FRMPD3: variants seen among roughly 807,000 people sequenced by gnomAD.
The protein encoded by FRMPD3 is FERM and PDZ domain containing 3, also known as FERM and PDZ domain-containing protein 3.
Under a neutral mutation model 97.9 loss-of-function variants are expected in FRMPD3, and 42 were observed. The observed-to-expected ratio is 0.43, with a 90% CI of 0.34 to 0.55. FRMPD3 has a LOEUF of 0.55. Among genes scored for constraint, FRMPD3 ranks in the 20% least tolerant of loss-of-function variants. FRMPD3 has a pLI of 0.03. For missense variants in FRMPD3, 1,303 were observed against 1,457.7 expected, an observed-to-expected ratio of 0.89 and a Z score of 1.73; for synonymous variants, 577 against 581.1, an observed-to-expected ratio of 0.99 and a Z score of 0.10.
chrX:107,528,130 G>A (rs1164707890), intron 2 of FRMPD3, among the ~76,000 whole-genome samples: 2 of 111,111 alleles, frequency 1.8e-5, no homozygotes, highest in East Asian at 2.8e-4. Flanking sequence ...CCCCAGGCAC[G>A]AACCACAAAA....
chrX:107,568,310 T>C (rs1310940533), intron 12 of FRMPD3, among the ~76,000 whole-genome samples: 1 of 106,682 alleles, frequency 9.4e-6, no homozygotes, highest in Non-Finnish European at 1.9e-5. Flanking sequence ...TGTGCCATGT[T>C]GGTGTGCTGC....
intron 4 of FRMPD3, among the ~76,000 whole-genome samples, chrX:107,540,900 G>A (rs998022154): frequency 2.7e-5 from 3 of 112,451 alleles, no homozygotes; most frequent in South Asian, 3.7e-4. Context: ...TTATCATCAG[G>A]CACGTTTTAA....
Position 107,540,132 on chromosome X carries a change from G to A in FRMPD3, c.298-5605G>A, listed in dbSNP as rs181288168. Among the ~76,000 whole-genome samples the A allele has an allele frequency of 9.2e-4, 102 of 111,359 alleles. 2 individuals carry two copies. The highest frequency in any genetic ancestry group is 3.2e-3 in the African/African-American group (98 of 30,633). On this transcript the variant is annotated intron_variant, in intron 4 of 14. Coordinates refer to ENST00000683843, the MANE Select transcript of FRMPD3 (RefSeq NM_001388459.1). ...TAGAGAGTCAGGTGTAGTTTGTGGC[G>A]GGCTTTGGAAGTCAGGCAGAGGATA...
At chrX:107,462,033 C>G (rs1186025310) in intron 1 of FRMPD3, among the ~76,000 whole-genome samples, 11 of 110,341 alleles carry the variant, frequency 1.0e-4, no homozygotes, top group Non-Finnish European at 2.1e-4. Flanking sequence ...CCAACAAGCT[C>G]AAGTCCAGCC....
chrX:107,487,060 CAT>C (rs1416513873), intron 1 of FRMPD3, among the ~76,000 whole-genome samples: 1 of 94,657 alleles, frequency 1.1e-5, no homozygotes, highest in Non-Finnish European at 2.1e-5. Flanking sequence ...GCCTAGCCAA[CAT>C]AGTGAAACCC....
At chrX:107,531,091 T>A (rs189830877) in intron 3 of FRMPD3, among the ~76,000 whole-genome samples, 2 of 105,409 alleles carry the variant, frequency 1.9e-5, no homozygotes, top group East Asian at 5.9e-4. Context: ...TCTTTACCTA[T>A]CCTTTACCCC....
intron 1 of FRMPD3, among the ~76,000 whole-genome samples, chrX:107,497,634 A>G (rs1921806350): frequency 8.9e-6 from 1 of 112,324 alleles, no homozygotes; most frequent in South Asian, 3.7e-4. Flanking sequence ...TTGGATTCAA[A>G]AATGACAGTG....
intron 2 of FRMPD3, among the ~76,000 whole-genome samples, chrX:107,528,819 T>G (rs760514706): frequency 8.9e-6 from 1 of 112,872 alleles, no homozygotes; most frequent in South Asian, 3.6e-4. Context: ...CTGAAGCCAG[T>G]GCACTGTCAG....
In FRMPD3 at chrX:107,603,698, T is replaced by G. The variant is rs766792987; in HGVS notation, c.*325T>G. On this transcript the variant is annotated 3_prime_UTR_variant, in exon 15 of 15. Transcript: ENST00000683843. ...AGGTGACATCAGGCTCACTTCCTGC[T>G]CAATCCGTGTTGGGCGCTGGGGGAG... 394 of 198,606 alleles carry G rather than the reference T, an allele frequency of 2.0e-3. 2 individuals carry two copies. Among genetic ancestry groups the G allele is most frequent in the African/African-American group, 0.011 (366 of 34,285 alleles). 16.4% of individuals were successfully genotyped at this position (198,606 alleles called of 1,213,427 possible).
At chrX:107,564,829 C>T in intron 11 of FRMPD3, 58 bp from the exon 12 acceptor site, 2 of 1,141,600 alleles carry the variant, frequency 1.8e-6, no homozygotes, top group Non-Finnish European at 2.4e-6. Flanking sequence ...CCTGCCTCCT[C>T]TCCCCACCTC....
chrX:107,529,533 C>A (rs904173297), intron 2 of FRMPD3, among the ~76,000 whole-genome samples: 2 of 110,197 alleles, frequency 1.8e-5, no homozygotes, highest in Non-Finnish European at 3.8e-5. Context: ...TACAGTGAGC[C>A]GAGATCACGC....
chrX:107,450,591 CACACACACACAGAG>C (rs1387672305), intron 1 of FRMPD3, among the ~76,000 whole-genome samples: 3 of 107,205 alleles, frequency 2.8e-5, no homozygotes, highest in Non-Finnish European at 3.8e-5. Flanking sequence ...CACACACACA[CACACACACACAGAG>C]AGAGAGAGAG....
intron 1 of FRMPD3, among the ~76,000 whole-genome samples, chrX:107,496,889 C>A (rs979580118): frequency 8.9e-6 from 1 of 112,290 alleles, no homozygotes; most frequent in Non-Finnish European, 1.9e-5. Flanking sequence ...TCCTCTCTGG[C>A]ACTTCATTGC....
At position 107,602,332 on chromosome X, in the gene FRMPD3, C is replaced by G. The variant is rs773245320; in HGVS notation, c.4293C>G (p.Ser1431Arg). 6 of 1,210,403 alleles carry G rather than the reference C, an allele frequency of 5.0e-6. No individual in the cohort carries two copies. The highest frequency in any genetic ancestry group is 4.3e-5 in the Admixed American group (2 of 46,058). Reference protein sequence around the residue: ...LPREAKEVEASLPIALGPKSR... With the variant: ...LPREAKEVEARLPIALGPKSR... ...GGGAGGCCAAGGAGGTAGAGGCAAG[C>G]CTCCCCATAGCCTTGGGTCCCAAAA... Residue 1431 changes from serine to arginine, a missense_variant, in exon 15 of 15, where the codon AGC becomes AGG. By Grantham distance (110) the Ser-to-Arg change is moderately radical. This residue lies in a region of FRMPD3 where 764 missense variants were observed against 820.2 expected (regional missense o/e 0.93). Transcript: ENST00000683843.
At chrX:107,460,548 G>A (rs960427693) in intron 1 of FRMPD3, among the ~76,000 whole-genome samples, 10 of 110,313 alleles carry the variant, frequency 9.1e-5, no homozygotes, top group Non-Finnish European at 1.5e-4. Flanking sequence ...ATGCCACCAC[G>A]CCCAGCTAAT....
chrX:107,503,739 C>T lies in FRMPD3; in HGVS notation c.-7-22843C>T, dbSNP rs779111946. ...CTGACAACCACTGGGAGAAAGGCTTCGCAAATTAGACACAGGTTATACAGT... is the reference window on the plus strand; with the variant it reads ...CTGACAACCACTGGGAGAAAGGCTTTGCAAATTAGACACAGGTTATACAGT... On this transcript the variant is annotated intron_variant, in intron 1 of 14. Coordinates refer to ENST00000683843, the MANE Select transcript of FRMPD3 (RefSeq NM_001388459.1). Among the ~76,000 whole-genome samples the T allele has an allele frequency of 4.5e-5, 5 of 111,824 alleles. No individual in the cohort carries two copies. The South Asian group carries it at 1.1e-3, about 25-fold the overall frequency.
intron 13 of FRMPD3, among the ~76,000 whole-genome samples, chrX:107,577,193 C>T (rs937241499): frequency 3.0e-5 from 2 of 66,552 alleles, no homozygotes; most frequent in African/African-American, 1.2e-4. Context: ...AAAAAAAATA[C>T]AAAAAATAGG....
At chrX:107,495,016 G>A in intron 1 of FRMPD3, among the ~76,000 whole-genome samples, 1 of 112,465 alleles carries the variant, frequency 8.9e-6, no homozygotes, top group Middle Eastern at 4.2e-3. Context: ...GTTAAGGTGG[G>A]CCTCATAGCC....
rs191062800 is a variant in FRMPD3 at position 107,515,582 on chromosome X, G to A, written c.-7-11000G>A. Among the ~76,000 whole-genome samples, 847 of 111,971 alleles carry A rather than the reference G, an allele frequency of 7.6e-3. 1 individual carries two copies. The highest frequency in any genetic ancestry group is 0.012 in the Non-Finnish European group (648 of 53,171). ...CCTTAAAAGAAAAAAAAGAGATGAA[G>A]TGGAGACATATGTGTAGAAAACGTT... On this transcript the variant is annotated intron_variant, in intron 1 of 14. Transcript: ENST00000683843.
Sources: allele counts gnomAD v4.1 joint callset (sites outside exome capture counted in the v4.1 genomes callset), GRCh38; gene constraint gnomAD v4.1.1; regional missense constraint gnomAD v4.1.1; transcripts MANE v1.5; gene names NCBI Gene and HGNC (gene_info 2026-07-23, HGNC 2026-07-21).